The following SZRD1 variants were observed in gnomAD, a reference collection of about 807,000 sequenced individuals.
SZRD1 encodes SUZ RNA-binding domain-containing.
A neutral mutation model predicts 17.6 loss-of-function variants in SZRD1; 7 were observed. That is an observed-to-expected ratio of 0.40 (90% CI 0.23 to 0.75). SZRD1 has a LOEUF of 0.75. Ranked by LOEUF, SZRD1 falls within the 30% of genes least tolerant of loss-of-function variation. SZRD1 has a pLI of 0.38. For synonymous variants in SZRD1, 77 were observed against 77.9 expected, an observed-to-expected ratio of 0.99 and a Z score of 0.06; for missense variants, 178 against 201.8, an observed-to-expected ratio of 0.88 and a Z score of 0.71.
intron 1 of SZRD1, among the ~76,000 whole-genome samples, chr1:16,377,408 C>T (rs528802858): frequency 2.0e-3 from 306 of 152,048 alleles, no homozygotes; most frequent in Non-Finnish European, 3.4e-3. Flanking sequence ...CATGGTGAAA[C>T]CCTGTCACTA....
chr1:16,379,308 G>A (rs7535607), intron 1 of SZRD1, among the ~76,000 whole-genome samples: 2,759 of 151,896 alleles, frequency 0.018, 82 homozygotes, highest in African/African-American at 0.062. Context: ...TAGTAGAGAC[G>A]GGGTTTTACC....
intron 1 of SZRD1, chr1:16,390,433 CTCTT>C (rs1359553349): frequency 6.6e-6 from 1 of 152,294 alleles, no homozygotes; most frequent in Non-Finnish European, 1.5e-5. Context: ...CCTTCTCAGC[CTCTT>C]TCTTCTCTCT....
intron 1 of SZRD1, among the ~76,000 whole-genome samples, chr1:16,372,760 C>G (rs2082935618): frequency 6.6e-6 from 1 of 152,088 alleles, no homozygotes; most frequent in Non-Finnish European, 1.5e-5. Context: ...AAACATTGCC[C>G]CATCAGTGAT....
rs2085295921 is a variant in SZRD1 at position 16,395,479 on chromosome 1, A to G, written c.*339A>G. The stretch of plus-strand genomic sequence containing the variant: ...GGCCACTTGGGGTAAAGCCAGTGCC[A>G]GCAATAACAGTTTATCATGCTCATT... On this transcript the variant is annotated 3_prime_UTR_variant, in exon 4 of 4. Coordinates refer to ENST00000401088, the MANE Select transcript of SZRD1 (RefSeq NM_001114600.3). 3.2e-6 allele frequency: 1 copy of G among 315,888 alleles called. No homozygotes were observed. Among genetic ancestry groups the G allele is most frequent in the East Asian group, 6.9e-5 (1 of 14,584 alleles). 19.6% of individuals were successfully genotyped at this position (315,888 alleles called of 1,614,324 possible). A position where few individuals can be genotyped will look rare whatever the true frequency, so the allele number is the denominator to read the frequency against.
At chr1:16,384,203 A>G (rs537625734) in intron 1 of SZRD1, among the ~76,000 whole-genome samples, 58 of 152,190 alleles carry the variant, frequency 3.8e-4, no homozygotes, top group Non-Finnish European at 6.3e-4. Flanking sequence ...TTAAATCAAC[A>G]TGGAGGTTGT....
intron 1 of SZRD1, among the ~76,000 whole-genome samples, chr1:16,376,704 G>A (rs1009311548): frequency 2.6e-5 from 4 of 151,196 alleles, no homozygotes; most frequent in African/African-American, 9.7e-5. Flanking sequence ...TACCTGGGAG[G>A]CTGAGGCAGG....
At chr1:16,389,353 C>T (rs1255831870) in intron 1 of SZRD1, among the ~76,000 whole-genome samples, 3 of 152,082 alleles carry the variant, frequency 2.0e-5, no homozygotes, top group South Asian at 2.1e-4. Flanking sequence ...CAAGCTTCGC[C>T]TCCCGGGTTC....
chr1:16,389,276 TG>T (rs201163423), intron 1 of SZRD1, among the ~76,000 whole-genome samples: 6,056 of 81,464 alleles, frequency 0.074, 375 homozygotes, highest in African/African-American at 0.17. Context: ...TGAGGGGGGG[TG>T]GGGGGGGGGC....
intron 1 of SZRD1, among the ~76,000 whole-genome samples, chr1:16,386,603 T>G (rs979117025): frequency 1.3e-5 from 2 of 152,166 alleles, no homozygotes; most frequent in Non-Finnish European, 2.9e-5. Flanking sequence ...CAGAGGGAGA[T>G]GCGATGCCCT....
intron 1 of SZRD1, among the ~76,000 whole-genome samples, chr1:16,373,119 G>C (rs548784872): frequency 1.3e-5 from 2 of 152,132 alleles, no homozygotes; most frequent in African/African-American, 2.4e-5. Context: ...TGGCAGGGTT[G>C]AGTGGAAAGA....
chr1:16,393,233 A>C lies in SZRD1; in HGVS notation c.107A>C (p.Lys36Thr). The change falls in exon 3 of 4, where the codon AAA (lysine) becomes ACA (threonine). Residue 36 changes from lysine to threonine, a missense_variant. By Grantham distance (78) the Lys-to-Thr change is moderately conservative. This residue lies in a region of SZRD1 where 117 missense variants were observed against 108.7 expected (regional missense o/e 1.08). Transcript: ENST00000401088. This position sits in a 1 kb window ranked among gnomAD's most constrained non-coding sequence, Gnocchi z 5.6. ...KLKITQKESR[K>T]SKSPPKVPIV... ...CTGTGTTTGCTCTTTGTCAGCAGGAAATCCAAATCTCCTCCCAAAGTGCCC... is the reference window on the plus strand; with the variant it reads ...CTGTGTTTGCTCTTTGTCAGCAGGACATCCAAATCTCCTCCCAAAGTGCCC... The C allele has an allele frequency of 6.2e-7, 1 of 1,613,746 alleles. No homozygotes were observed. Among genetic ancestry groups the C allele is most frequent in the Admixed American group, 1.7e-5 (1 of 60,006 alleles).
Position 16,397,527 on chromosome 1 carries a change from G to C in SZRD1, c.*2387G>C, listed in dbSNP as rs1397622991. 1 of 152,174 alleles carries C rather than the reference G, an allele frequency of 6.6e-6. No homozygotes were observed. Among genetic ancestry groups the C allele is most frequent in the African/African-American group, 2.4e-5 (1 of 41,416 alleles). 9.4% of individuals were successfully genotyped at this position (152,174 alleles called of 1,614,324 possible). ...TTGGCTTGGAAAACCCCAGGGGGAT[G>C]GGGGGCAGAAACCTGAGGCTGCTGC... On this transcript the variant is annotated 3_prime_UTR_variant, in exon 4 of 4. Coordinates refer to ENST00000401088, the MANE Select transcript of SZRD1 (RefSeq NM_001114600.3). This position sits in a 1 kb window ranked among gnomAD's most constrained non-coding sequence, Gnocchi z 5.4.
Position 16,383,632 on chromosome 1 carries a change from T to A in SZRD1, c.52-7743T>A, listed in dbSNP as rs1480595850. On this transcript the variant is annotated intron_variant, in intron 1 of 3. Transcript: ENST00000401088. ...TTTCTTTCTTTTTTTCCTTTTTTTT[T>A]TTTTTTAGACAGAGTCTTGCTCTGT... Among the ~76,000 whole-genome samples, 5 of 150,196 alleles carry A rather than the reference T, an allele frequency of 3.3e-5. No homozygotes were observed. In the East Asian group the frequency reaches 9.6e-4, roughly 29 times the overall value.
rs927572276 is a variant in SZRD1 at position 16,388,063 on chromosome 1, C to G, written c.52-3312C>G. On this transcript the variant is annotated intron_variant, in intron 1 of 3. Transcript: ENST00000401088. Reference sequence around the variant, plus strand: ...GGAGCGAGAGGTTTCCATTTTAGTGCCTTTCTGGCCCCTCCAGAGATTTGA... The same window carrying G: ...GGAGCGAGAGGTTTCCATTTTAGTGGCTTTCTGGCCCCTCCAGAGATTTGA... Among the ~76,000 whole-genome samples the G allele has an allele frequency of 1.5e-4, 23 of 152,254 alleles. No homozygotes were observed. In the East Asian group the frequency reaches 4.4e-3, roughly 29 times the overall value.
chr1:16,388,419 T>C (rs1230919620), intron 1 of SZRD1, among the ~76,000 whole-genome samples: 2 of 149,248 alleles, frequency 1.3e-5, no homozygotes, highest in Non-Finnish European at 3.0e-5. Flanking sequence ...TATATAAATA[T>C]ATTTTAAACA....
At chr1:16,387,599 G>T (rs973233161) in intron 1 of SZRD1, 3 of 456,600 alleles carry the variant, frequency 6.6e-6, no homozygotes, top group Non-Finnish European at 1.3e-5. Context: ...TATGCTCCGT[G>T]CGAGTGGAGT....
chr1:16,373,449 C>A (rs2082945406), intron 1 of SZRD1, among the ~76,000 whole-genome samples: 1 of 138,678 alleles, frequency 7.2e-6, no homozygotes. Context: ...TGTGGTGGTG[C>A]CTGCTTGTAA....
intron 1 of SZRD1, among the ~76,000 whole-genome samples, chr1:16,371,217 G>A (rs1176430405): frequency 6.6e-6 from 1 of 151,982 alleles, no homozygotes; most frequent in African/African-American, 2.4e-5. Context: ...TTTGAGACAG[G>A]GTCTTGCTCT....
chr1:16,389,179 G>A (rs1483399676), intron 1 of SZRD1, among the ~76,000 whole-genome samples: 2 of 145,972 alleles, frequency 1.4e-5, no homozygotes, highest in Non-Finnish European at 3.0e-5. Flanking sequence ...CACCTCCCAG[G>A]TTCACGCCAT....
Sources: allele counts gnomAD v4.1 joint callset (sites outside exome capture counted in the v4.1 genomes callset), GRCh38; gene constraint gnomAD v4.1.1; regional missense constraint gnomAD v4.1.1; non-coding constraint Gnocchi (gnomAD v3.1); transcripts MANE v1.5; gene names NCBI Gene and HGNC (gene_info 2026-07-23, HGNC 2026-07-21).